Variants in RPS6KA5 observed in about 807,000 individuals in gnomAD.
RPS6KA5 encodes the protein ribosomal protein S6 kinase A5, also known as ribosomal protein S6 kinase alpha-5.
RPS6KA5 carries 27 observed loss-of-function variants against 85.5 expected under a neutral mutation model. That is an observed-to-expected ratio of 0.32 (90% CI 0.23 to 0.44). The LOEUF is 0.44. Among genes scored for constraint, RPS6KA5 ranks in the 20% least tolerant of loss-of-function variants. The probability of loss-of-function intolerance (pLI) is 1.00; values close to 1 mark genes in which losing one functional copy is unlikely to be tolerated. For missense variants in RPS6KA5, 811 were observed against 980.9 expected, an observed-to-expected ratio of 0.83 and a Z score of 2.31; for synonymous variants, 334 against 348.2, an observed-to-expected ratio of 0.96 and a Z score of 0.46.
At chr14:91,058,487 A>C (rs1171076318) in intron 1 of RPS6KA5, among the ~76,000 whole-genome samples, 3 of 152,244 alleles carry the variant, frequency 2.0e-5, no homozygotes. Flanking sequence ...GTTGCACCAC[A>C]GTCGATGGCT....
chr14:91,045,988 G>C (rs1298149398), intron 1 of RPS6KA5, among the ~76,000 whole-genome samples: 1 of 152,040 alleles, frequency 6.6e-6, no homozygotes, highest in East Asian at 1.9e-4. Flanking sequence ...TGATAGAAAG[G>C]CTTTGTTTCC....
chr14:90,892,685 A>T (rs1181383367), intron 13 of RPS6KA5, among the ~76,000 whole-genome samples: 1 of 152,248 alleles, frequency 6.6e-6, no homozygotes, highest in African/African-American at 2.4e-5. Context: ...CTATGCAGAA[A>T]ATGAATCCAC....
At chr14:90,954,586 G>A (rs540526886) in intron 3 of RPS6KA5, among the ~76,000 whole-genome samples, 4 of 152,170 alleles carry the variant, frequency 2.6e-5, no homozygotes, top group East Asian at 1.9e-4. Context: ...GTTAATTTTT[G>A]TATTTTTAGT....
At chr14:91,011,690 A>G (rs2041264497) in intron 1 of RPS6KA5, among the ~76,000 whole-genome samples, 1 of 152,218 alleles carries the variant, frequency 6.6e-6, no homozygotes, top group Non-Finnish European at 1.5e-5. Context: ...ATGGAAAGGT[A>G]CCAATTGAGT....
chr14:90,924,524 A>G (rs1194914262), intron 5 of RPS6KA5, among the ~76,000 whole-genome samples: 1 of 152,226 alleles, frequency 6.6e-6, no homozygotes, highest in Non-Finnish European at 1.5e-5. Flanking sequence ...CTTATGGTTT[A>G]TTATTTGTTC....
At chr14:90,957,378 AT>A (rs2038581036) in intron 3 of RPS6KA5, among the ~76,000 whole-genome samples, 2 of 151,766 alleles carry the variant, frequency 1.3e-5, no homozygotes, top group South Asian at 2.1e-4. Flanking sequence ...TTTTATAGTT[AT>A]TTTTTCTTTA....
At chr14:90,933,438 T>G (rs1041874756) in intron 5 of RPS6KA5, among the ~76,000 whole-genome samples, 5 of 152,198 alleles carry the variant, frequency 3.3e-5, no homozygotes, top group African/African-American at 1.2e-4. Flanking sequence ...GGGGCCACAC[T>G]AGATTTCTTC....
intron 12 of RPS6KA5, among the ~76,000 whole-genome samples, chr14:90,898,450 C>T (rs1165899696): frequency 6.6e-6 from 1 of 152,182 alleles, no homozygotes; most frequent in Non-Finnish European, 1.5e-5. Flanking sequence ...CCCCATCGAT[C>T]CTAGGTCACA....
In RPS6KA5 at chr14:90,854,207, T is replaced by A. The variant is rs1176391262; in HGVS notation, c.*17867A>T. ...GAGCCTGATGTATGAAGATTTGACA[T>A]TGTAATTTATAATTCCTAAGTAATT... is the stretch of plus-strand genomic sequence containing the variant. On this transcript the variant is annotated 3_prime_UTR_variant, in exon 17 of 17. Coordinates refer to ENST00000614987, the MANE Select transcript of RPS6KA5 (RefSeq NM_004755.4). 1 of 152,126 alleles carries A rather than the reference T, an allele frequency of 6.6e-6. No individual in the cohort carries two copies. Among genetic ancestry groups the A allele is most frequent in the Admixed American group, 6.5e-5 (1 of 15,278 alleles). 9.4% of individuals were successfully genotyped at this position (152,126 alleles called of 1,614,324 possible). A position where few individuals can be genotyped will look rare whatever the true frequency, so the allele number is the denominator to read the frequency against.
rs1033053305 is a variant in RPS6KA5, at chr14:90,848,414, T to C, written c.*23660A>G. The stretch of plus-strand genomic sequence containing the variant: ...AAGATTCTAGCCCAGCTAGAATAGA[T>C]TTTAAAAAACTACAATAAAGTATAT... On this transcript the variant is annotated 3_prime_UTR_variant, in exon 17 of 17. Transcript: ENST00000614987. 33 of 152,258 alleles carry C rather than the reference T, an allele frequency of 2.2e-4. No homozygotes were observed. The highest frequency in any genetic ancestry group is 1.6e-3 in the Admixed American group (25 of 15,286). 9.4% of individuals were successfully genotyped at this position (152,258 alleles called of 1,614,324 possible).
chr14:90,990,253 C>T (rs1346725747), intron 2 of RPS6KA5, among the ~76,000 whole-genome samples: 1 of 152,126 alleles, frequency 6.6e-6, no homozygotes, highest in Non-Finnish European at 1.5e-5. Context: ...AAAACATACA[C>T]ATTGCCAACA....
chr14:90,987,293 T>C (rs968542437), intron 2 of RPS6KA5, among the ~76,000 whole-genome samples: 4 of 152,236 alleles, frequency 2.6e-5, no homozygotes, highest in Admixed American at 2.6e-4. Flanking sequence ...TGACAAATGA[T>C]GACTAAGTCA....
At chr14:91,036,793 T>C (rs1050341686) in intron 1 of RPS6KA5, among the ~76,000 whole-genome samples, 23 of 152,144 alleles carry the variant, frequency 1.5e-4, no homozygotes, top group African/African-American at 5.6e-4. Flanking sequence ...TCCTGCCCCC[T>C]CTAGTTCAGG....
At chr14:90,997,593 C>CAT (rs2040586212) in intron 2 of RPS6KA5, among the ~76,000 whole-genome samples, 1 of 152,102 alleles carries the variant, frequency 6.6e-6, no homozygotes, top group Non-Finnish European at 1.5e-5. Flanking sequence ...TTTGCCCAGG[C>CAT]TAGTCTCCAA....
intron 3 of RPS6KA5, among the ~76,000 whole-genome samples, chr14:90,959,009 A>G (rs1032810700): frequency 3.3e-5 from 5 of 151,996 alleles, no homozygotes; most frequent in African/African-American, 1.2e-4. Flanking sequence ...TGTTCCAAGC[A>G]GAAGTAACAT....
chr14:90,988,829 A>C (rs751356144), intron 2 of RPS6KA5, among the ~76,000 whole-genome samples: 5 of 152,120 alleles, frequency 3.3e-5, no homozygotes, highest in Non-Finnish European at 5.9e-5. Context: ...ATAAATAAAT[A>C]AATAAATAAC....
At chr14:90,923,925 C>T (rs1425205321) in intron 5 of RPS6KA5, among the ~76,000 whole-genome samples, 1 of 152,024 alleles carries the variant, frequency 6.6e-6, no homozygotes, top group East Asian at 1.9e-4. Flanking sequence ...AATTACGTAG[C>T]TCATTTATTA....
chr14:91,020,613 A>ATT (rs1477901881), intron 1 of RPS6KA5, among the ~76,000 whole-genome samples: 4 of 20,702 alleles, frequency 1.9e-4, no homozygotes, highest in Non-Finnish European at 2.3e-4. Flanking sequence ...TATATATCCT[A>ATT]TTGTGTGTGT....
chr14:90,988,682 G>T (rs1023295460), intron 2 of RPS6KA5, among the ~76,000 whole-genome samples: 3 of 152,068 alleles, frequency 2.0e-5, no homozygotes, highest in African/African-American at 7.2e-5. Flanking sequence ...GCATGGTGGC[G>T]GGCGTCTGTA....
Sources: allele counts gnomAD v4.1 joint callset (sites outside exome capture counted in the v4.1 genomes callset), GRCh38; gene constraint gnomAD v4.1.1; transcripts MANE v1.5; gene names NCBI Gene and HGNC (gene_info 2026-07-23, HGNC 2026-07-21).